The following FSTL5 variants were observed in gnomAD, a reference collection of about 807,000 sequenced individuals.
The protein encoded by FSTL5 is follistatin like 5.
In FSTL5, 62 loss-of-function variants were observed where a neutral mutation model predicts 89.1. The observed-to-expected ratio is 0.70, with a 90% CI of 0.57 to 0.86. The LOEUF is 0.86. Ranked by LOEUF, FSTL5 falls within the 40% of genes least tolerant of loss-of-function variation. The pLI is 0.00. For synonymous variants in FSTL5, 383 were observed against 346.2 expected (o/e 1.11, Z -1.18); for missense variants, 1,057 against 1,001.6 (o/e 1.06, Z -0.75).
chr4:161,759,579 T>C (rs1312381368), intron 5 of FSTL5, 48 bp from the exon 6 acceptor site: 6 of 1,161,060 alleles, frequency 5.2e-6, no homozygotes, highest in Non-Finnish European at 7.1e-6. Flanking sequence ...GTCTTAAAAT[T>C]TCTATAATAT....
chr4:161,449,195 A>G (rs774422197), intron 15 of FSTL5, among the ~76,000 whole-genome samples: 2 of 152,256 alleles, frequency 1.3e-5, no homozygotes, highest in Non-Finnish European at 2.9e-5. Context: ...ACTGAAATAA[A>G]TACACTTGCA....
chr4:161,706,596 A>T (rs952713148), intron 6 of FSTL5, among the ~76,000 whole-genome samples: 6 of 152,070 alleles, frequency 3.9e-5, no homozygotes, highest in Non-Finnish European at 5.9e-5. Context: ...GATATTTGTT[A>T]ATACTGAGGT....
chr4:161,772,171 T>C (rs920586605), intron 5 of FSTL5, among the ~76,000 whole-genome samples: 2 of 152,132 alleles, frequency 1.3e-5, no homozygotes, highest in Non-Finnish European at 2.9e-5. Flanking sequence ...GGACTAACTA[T>C]AGAATGTGTG....
intron 3 of FSTL5, among the ~76,000 whole-genome samples, chr4:162,017,557 A>G (rs1025790774): frequency 1.3e-5 from 2 of 152,168 alleles, no homozygotes; most frequent in Admixed American, 1.3e-4. Context: ...AAAGCAGGCT[A>G]ATTTTCAAAC....
chr4:161,732,692 A>C (rs949651971), intron 6 of FSTL5, among the ~76,000 whole-genome samples: 1 of 151,944 alleles, frequency 6.6e-6, no homozygotes, highest in Non-Finnish European at 1.5e-5. Context: ...TAAGGATTAA[A>C]GTGTGTTTGT....
At chr4:162,054,170 A>G (rs1486916954) in intron 2 of FSTL5, among the ~76,000 whole-genome samples, 4 of 150,984 alleles carry the variant, frequency 2.6e-5, no homozygotes, top group African/African-American at 9.8e-5. Context: ...ATTTAGTATT[A>G]CTATTCACCA....
intron 8 of FSTL5, among the ~76,000 whole-genome samples, chr4:161,546,629 AT>A (rs1459325126): frequency 1.3e-5 from 2 of 151,940 alleles, no homozygotes; most frequent in Non-Finnish European, 2.9e-5. Context: ...AAATGAACAG[AT>A]TTCTGGAAAC....
intron 7 of FSTL5, among the ~76,000 whole-genome samples, chr4:161,608,858 A>C: frequency 6.6e-6 from 1 of 152,118 alleles, no homozygotes; most frequent in South Asian, 2.1e-4. Flanking sequence ...TCTCTGTCAA[A>C]TCTTTCAACT....
intron 6 of FSTL5, among the ~76,000 whole-genome samples, chr4:161,730,951 G>C (rs922783121): frequency 1.3e-5 from 2 of 152,102 alleles, no homozygotes; most frequent in Admixed American, 1.3e-4. Flanking sequence ...AAAACAGATT[G>C]ACAGTGCCCA....
chr4:161,417,904 T>C (rs914647510), intron 15 of FSTL5, among the ~76,000 whole-genome samples: 1 of 152,198 alleles, frequency 6.6e-6, no homozygotes, highest in African/African-American at 2.4e-5. Flanking sequence ...TTACACAGAC[T>C]GATGGAGATT....
chr4:161,779,903 C>T (rs1741598926), intron 4 of FSTL5, among the ~76,000 whole-genome samples: 2 of 145,594 alleles, frequency 1.4e-5, no homozygotes, highest in Admixed American at 7.0e-5. Context: ...CACACACACA[C>T]ATGCACACAC....
chr4:161,678,823 T>C (rs1169179167), intron 6 of FSTL5, among the ~76,000 whole-genome samples: 1 of 151,802 alleles, frequency 6.6e-6, no homozygotes, highest in Non-Finnish European at 1.5e-5. Context: ...GAGAGAATTT[T>C]GATACCTGAG....
intron 7 of FSTL5, among the ~76,000 whole-genome samples, chr4:161,594,021 C>T (rs1733923025): frequency 6.6e-6 from 1 of 151,970 alleles, no homozygotes; most frequent in Non-Finnish European, 1.5e-5. Context: ...GGGGGAAAGC[C>T]AAACTTTTGT....
chr4:161,829,193 A>G (rs1251037192), intron 4 of FSTL5, among the ~76,000 whole-genome samples: 1 of 147,760 alleles, frequency 6.8e-6, no homozygotes, highest in African/African-American at 2.5e-5. Flanking sequence ...TATATTAAAT[A>G]TAGTCTATGT....
intron 2 of FSTL5, among the ~76,000 whole-genome samples, chr4:162,064,841 C>A (rs1001685846): frequency 1.3e-5 from 2 of 151,884 alleles, no homozygotes; most frequent in Admixed American, 6.6e-5. Flanking sequence ...TCCTGAAAAC[C>A]ACCATTCTAC....
intron 3 of FSTL5, among the ~76,000 whole-genome samples, chr4:162,026,304 C>CTTTTTATTTTTTTTTTTTTTTTT (rs1737282030): frequency 1.3e-5 from 1 of 79,474 alleles, no homozygotes; most frequent in Non-Finnish European, 2.2e-5. Context: ...TATGTATTTT[C>CTTTTTATTTTTTTTTTTTTTTTT]TTTTTTTTTT....
At chr4:161,639,523 T>G (rs1000000257) in intron 7 of FSTL5, among the ~76,000 whole-genome samples, 2 of 152,180 alleles carry the variant, frequency 1.3e-5, no homozygotes, top group African/African-American at 4.8e-5. Context: ...AAAATCAATT[T>G]AAATGGATTC....
Position 162,090,364 on chromosome 4 carries a change from C to G in FSTL5, c.126+20907G>C, listed in dbSNP as rs1012114476. 2.6e-5 allele frequency among the ~76,000 whole-genome samples: 4 copies of G among 152,056 alleles called. No homozygotes were observed. In the East Asian group the frequency reaches 7.7e-4, roughly 29 times the overall value. ...CTATGCATCTGACAAAGTTCTGATA[C>G]ATAGCATCTATAAGGAACTTAAATT... On this transcript the variant is annotated intron_variant, in intron 2 of 15. Coordinates refer to ENST00000306100, the MANE Select transcript of FSTL5 (RefSeq NM_020116.5).
intron 7 of FSTL5, among the ~76,000 whole-genome samples, chr4:161,615,444 CAAAA>C (rs570217571): frequency 4.6e-5 from 4 of 87,404 alleles, no homozygotes; most frequent in African/African-American, 1.1e-4. Context: ...GACTCCATCT[CAAAA>C]AAAAAAAAAA....
Sources: allele counts gnomAD v4.1 joint callset (sites outside exome capture counted in the v4.1 genomes callset), GRCh38; gene constraint gnomAD v4.1.1; transcripts MANE v1.5; gene names NCBI Gene and HGNC (gene_info 2026-07-23, HGNC 2026-07-21).